Variants in DSP observed in about 807,000 individuals in gnomAD.
The protein encoded by DSP is desmoplakin, also known as 250/210 kDa paraneoplastic pemphigus antigen.
In DSP, 114 loss-of-function variants were observed where a neutral mutation model predicts 290.6. That is an observed-to-expected ratio of 0.39 (90% CI 0.34 to 0.46). DSP has a LOEUF of 0.46. DSP is among the 20% of genes least tolerant of loss of function. DSP has a pLI of 0.99. For synonymous variants in DSP, 1,311 were observed against 1,316.4 expected (o/e 1.00, Z 0.09); for missense variants, 3,230 against 3,495.8 (o/e 0.92, Z 1.92).
chr6:7,575,299 T>G lies in DSP; in HGVS notation c.2441T>G (p.Ile814Arg). Residue 814 changes from isoleucine to arginine, a missense_variant, in exon 18 of 24, where the codon ATA (isoleucine) becomes AGA (arginine). Ile to Arg is a moderately conservative substitution (Grantham distance 97, BLOSUM62 -3). Transcript: ENST00000379802. ...VEAYRCGLKK[I>R]KNDLNLKKSL... The stretch of plus-strand genomic sequence containing the variant: ...TTTTTTTTTTTCATCTTGCAGAAAA[T>G]AAAAAATGACTTGAACTTGAAGAAG... 6.2e-7 allele frequency: 1 copy of G among 1,611,898 alleles called. No homozygotes were observed. The highest frequency in any genetic ancestry group is 8.5e-7 in the Non-Finnish European group (1 of 1,179,450).
At position 7,566,470 on chromosome 6, in the gene DSP, G is replaced by A; in HGVS notation, c.1033G>A (p.Asp345Asn). Residue 345 changes from aspartate (D) to asparagine (N), a missense_variant, in exon 8 of 24, where the codon GAC (aspartate) becomes AAC (asparagine). Asp to Asn is a conservative substitution (Grantham distance 23). Around this residue, in one of 5 missense-constraint regions of DSP, gnomAD observed 646 missense variants for 684.3 expected, o/e 0.94. Coordinates refer to ENST00000379802, the MANE Select transcript of DSP (RefSeq NM_004415.4). Reference protein sequence around the residue: ...QLVLNQHPASDKIEAYMDTLQ... With the variant: ...QLVLNQHPASNKIEAYMDTLQ... ...TGTCCTCAATCAGCATCCAGCTTCA[G>A]ACAAAATTGAGGTAGGCTTCATGAG... 1 of 1,613,420 alleles carries A rather than the reference G, an allele frequency of 6.2e-7. No individual in the cohort carries two copies. Among genetic ancestry groups the A allele is most frequent in the Non-Finnish European group, 8.5e-7 (1 of 1,179,820 alleles).
In DSP at chr6:7,558,688, AT is replaced by A. The variant is rs1170975063; in HGVS notation, c.422+430del. 2.6e-5 allele frequency among the ~76,000 whole-genome samples: 4 copies of A among 152,124 alleles called. No homozygotes were observed. The East Asian group carries it at 7.7e-4, about 29-fold the overall frequency. On this transcript the variant is annotated intron_variant, in intron 3 of 23. Coordinates refer to ENST00000379802, the MANE Select transcript of DSP (RefSeq NM_004415.4). The stretch of plus-strand genomic sequence containing the variant: ...GCCATACCTAGCAAATTAAAAAAAA[AT>A]TTTTTGTGGAGACAGGGTTTTGCCA...
Position 7,577,397 on chromosome 6 carries a change from C to T in DSP, c.2877+355C>T, listed in dbSNP as rs577334295. On this transcript the variant is annotated intron_variant, in intron 20 of 23. Coordinates refer to ENST00000379802, the MANE Select transcript of DSP (RefSeq NM_004415.4). ...AGGCTGGAGTGCAGTGGTGTGATCT[C>T]GGCTCACCGCAACCTCTGCCTCCTG... Among the ~76,000 whole-genome samples, 38 of 151,548 alleles carry T rather than the reference C, an allele frequency of 2.5e-4. No individual in the cohort carries two copies. In the South Asian group the frequency reaches 7.5e-3, roughly 30 times the overall value.
At position 7,584,776 on chromosome 6, in the gene DSP, A is replaced by T; in HGVS notation, c.7514A>T (p.Glu2505Val). ...ELCEQECEWE[E>V]ITITGSDGST... is the part of the protein sequence containing the mutation. ...TGTGAGCAGGAATGTGAATGGGAAG[A>T]AATAACCATCACGGGATCAGATGGC... The change falls in exon 24 of 24, where the codon GAA becomes GTA. Residue 2505 changes from glutamate to valine, a missense_variant. Coordinates refer to ENST00000379802, the MANE Select transcript of DSP (RefSeq NM_004415.4). This position sits in a 1 kb window ranked among gnomAD's most constrained non-coding sequence, Gnocchi z 6.4. 1 of 1,614,244 alleles carries T rather than the reference A, an allele frequency of 6.2e-7. No individual in the cohort carries two copies. The highest frequency in any genetic ancestry group is 8.5e-7 in the Non-Finnish European group (1 of 1,180,046).
chr6:7,557,698 A>G (rs190092150), intron 2 of DSP, among the ~76,000 whole-genome samples: 4 of 152,298 alleles, frequency 2.6e-5, no homozygotes, highest in Admixed American at 2.6e-4. Flanking sequence ...AAAAATAAAA[A>G]TAAAAAAAGA....
intron 1 of DSP, among the ~76,000 whole-genome samples, chr6:7,551,591 C>T (rs1314893040): frequency 3.3e-5 from 5 of 151,754 alleles, no homozygotes; most frequent in African/African-American, 1.2e-4. Context: ...GATTGTGCCA[C>T]TGCACTCCAG....
At chr6:7,578,722 T>C (rs1212190426) in intron 22 of DSP, among the ~76,000 whole-genome samples, 160 bp downstream of exon 22, 1 of 152,234 alleles carries the variant, frequency 6.6e-6, no homozygotes, top group Non-Finnish European at 1.5e-5. Context: ...CTGGGGTTAC[T>C]TCCATGCTCC....
intron 15 of DSP, among the ~76,000 whole-genome samples, chr6:7,572,793 T>C (rs1267507904): frequency 2.6e-5 from 4 of 152,208 alleles, no homozygotes; most frequent in African/African-American, 7.2e-5. Context: ...GATTTTGTCA[T>C]GCAAGCGCCA....
chr6:7,579,800 A>G lies in DSP; in HGVS notation c.3610A>G (p.Ser1204Gly), dbSNP rs781130870. ...KVRNHYNEEM[S>G]NLRNKYETEI... ...AAGAAACCACTATAATGAGGAGATG[A>G]GTAATTTAAGGAACAAGTATGAAAC... Residue 1204 changes from serine (S) to glycine (G), a missense_variant, in exon 23 of 24, where the codon AGT becomes GGT. By Grantham distance (56) the Ser-to-Gly change is moderately conservative. Transcript: ENST00000379802. This position sits in a 1 kb window ranked among gnomAD's most constrained non-coding sequence, Gnocchi z 4.1. The G allele has an allele frequency of 6.8e-6, 11 of 1,613,990 alleles. No individual in the cohort carries two copies. In the African/African-American group the frequency reaches 1.3e-4, roughly 20 times the overall value.
In DSP at chr6:7,567,838, A is replaced by G; in HGVS notation, c.1198A>G (p.Arg400Gly). 6.2e-7 allele frequency: 1 copy of G among 1,614,128 alleles called. No individual in the cohort carries two copies. Among genetic ancestry groups the G allele is most frequent in the Admixed American group, 1.7e-5 (1 of 60,032 alleles). ...AYLKGLQDSI[R>G]KKYPCDKNMP... ...CCTGAAGGGGCTCCAGGACTCCATCAGGAAGAAGTACCCCTGCGACAAGAA... is the reference window on the plus strand; with the variant it reads ...CCTGAAGGGGCTCCAGGACTCCATCGGGAAGAAGTACCCCTGCGACAAGAA... Residue 400 changes from arginine to glycine, a missense_variant, in exon 10 of 24, where the codon AGG (arginine) becomes GGG (glycine). Coordinates refer to ENST00000379802, the MANE Select transcript of DSP (RefSeq NM_004415.4).
At chr6:7,550,693 AC>A (rs1377311105) in intron 1 of DSP, among the ~76,000 whole-genome samples, 1 of 152,074 alleles carries the variant, frequency 6.6e-6, no homozygotes, top group Non-Finnish European at 1.5e-5. Flanking sequence ...AGAGTTAAAA[AC>A]TTTTAAGGAT....
At chr6:7,549,737 C>T (rs1046525053) in intron 1 of DSP, among the ~76,000 whole-genome samples, 1 of 151,278 alleles carries the variant, frequency 6.6e-6, no homozygotes, top group African/African-American at 2.4e-5. Context: ...CCTGTGTTGA[C>T]TGAATGAACA....
Position 7,568,194 on chromosome 6 carries a change from C to T in DSP, c.1267-243C>T, listed in dbSNP as rs114392752. On this transcript the variant is annotated intron_variant, in intron 10 of 23. Coordinates refer to ENST00000379802, the MANE Select transcript of DSP (RefSeq NM_004415.4). The stretch of plus-strand genomic sequence containing the variant: ...TGGGAACGCATACTTCAAATTTTAT[C>T]AGCATAGCCCTTTCACACAAGGATG... 2.8e-3 allele frequency among the ~76,000 whole-genome samples: 426 copies of T among 152,340 alleles called. 1 individual carries two copies. Among genetic ancestry groups the T allele is most frequent in the African/African-American group, 9.7e-3 (404 of 41,584 alleles).
chr6:7,571,528 A>G lies in DSP; in HGVS notation c.1847A>G (p.Gln616Arg), dbSNP rs1184921987. 6.2e-7 allele frequency: 1 copy of G among 1,614,240 alleles called. No homozygotes were observed. Among genetic ancestry groups the G allele is most frequent in the Non-Finnish European group, 8.5e-7 (1 of 1,180,032 alleles). ...RKIQSQFTDA[Q>R]KHYQTLVIQL... is the part of the protein sequence containing the mutation. ...ATACAGTCTCAGTTCACCGATGCCC[A>G]GAAGCATTACCAGACCCTGGTCATT... The change falls in exon 14 of 24, where the codon CAG (glutamine) becomes CGG (arginine). Residue 616 changes from glutamine (Q) to arginine (R), a missense_variant. Physicochemically the swap from Gln to Arg is conservative, Grantham distance 43 (BLOSUM62 1). Coordinates refer to ENST00000379802, the MANE Select transcript of DSP (RefSeq NM_004415.4).
intron 4 of DSP, 184 bp from the exon 5 acceptor site, chr6:7,562,468 G>A (rs1758725699): frequency 1.1e-6 from 1 of 929,064 alleles, no homozygotes; most frequent in South Asian, 1.3e-5. Context: ...CAAGCAAGTT[G>A]AGGGAAGTAT....
At chr6:7,568,702 C>T (rs1305397865) in intron 11 of DSP, 113 bp downstream of exon 11, 2 of 1,186,972 alleles carry the variant, frequency 1.7e-6, no homozygotes, top group African/African-American at 1.5e-5. Context: ...CAGTCAATGT[C>T]TTTGATCTAT....
intron 4 of DSP, among the ~76,000 whole-genome samples, chr6:7,560,302 G>A (rs753191100): frequency 2.0e-5 from 3 of 152,156 alleles, no homozygotes; most frequent in Non-Finnish European, 2.9e-5. Context: ...AAATTTTTGT[G>A]TATTCTTTCC....
intron 15 of DSP, among the ~76,000 whole-genome samples, chr6:7,572,401 A>C (rs2113680682): frequency 6.6e-6 from 1 of 152,258 alleles, no homozygotes; most frequent in African/African-American, 2.4e-5. Context: ...CACTGACATG[A>C]AGAGATTTGG....
At position 7,583,596 on chromosome 6, in the gene DSP, A is replaced by G; in HGVS notation, c.6334A>G (p.Lys2112Glu). The G allele has an allele frequency of 3.7e-6, 6 of 1,614,202 alleles. No homozygotes were observed. Among genetic ancestry groups the G allele is most frequent in the Non-Finnish European group, 5.1e-6 (6 of 1,180,038 alleles). Residue 2112 changes from lysine to glutamate, a missense_variant, in exon 24 of 24, where the codon AAG (lysine) becomes GAG (glutamate). By Grantham distance (56) the Lys-to-Glu change is moderately conservative. Around this residue, in one of 5 missense-constraint regions of DSP, gnomAD observed 1,714 missense variants for 1,844.5 expected, o/e 0.93. Transcript: ENST00000379802. The surrounding 1 kb of genome is among the most constrained non-coding windows in gnomAD (Gnocchi z 4.0). Reference protein sequence around the residue: ...GKTVSVSEAIKKNLIDRETGM... With the variant: ...GKTVSVSEAIEKNLIDRETGM... ...GACAGTATCTGTTTCAGAAGCCATC[A>G]AGAAAAATTTGATTGATAGAGAAAC...
Sources: gnomAD v4.1 joint callset for allele counts (sites outside exome capture counted in the v4.1 genomes callset) on GRCh38, gnomAD v4.1.1 for gene constraint, gnomAD v4.1.1 regional missense constraint, Gnocchi (gnomAD v3.1) non-coding constraint, MANE v1.5 for transcripts, NCBI Gene and HGNC (gene_info 2026-07-23, HGNC 2026-07-21) for gene names.